Variants in ROBO2 observed in about 807,000 individuals in gnomAD.
The protein encoded by ROBO2 is roundabout guidance receptor 2, also known as roundabout homolog 2.
ROBO2 carries 53 observed loss-of-function variants against 160.8 expected under a neutral mutation model. The observed-to-expected ratio is 0.33, with a 90% confidence interval of 0.26 to 0.41. The LOEUF (loss-of-function observed/expected upper bound fraction) is 0.41, where lower values mean the gene tolerates loss of function less well. Among genes scored for constraint, ROBO2 ranks in the 10% least tolerant of loss-of-function variants. ROBO2 has a pLI of 1.00. For synonymous variants in ROBO2, 664 were observed against 611.7 expected, an observed-to-expected ratio of 1.09 and a Z score of -1.26; for missense variants, 1,577 against 1,722.4, an observed-to-expected ratio of 0.92 and a Z score of 1.49.
chr3:77,252,807 C>CAAAAAAAAAAAAAAAAAA (rs1182786373), intron 2 of ROBO2, among the ~76,000 whole-genome samples: 2 of 32,058 alleles, frequency 6.2e-5, no homozygotes, highest in African/African-American at 2.9e-4. Context: ...GACTCCATCT[C>CAAAAAAAAAAAAAAAAAA]AAAAAAAAAA....
At chr3:76,517,114 T>C (rs2081380566) in intron 2 of ROBO2, among the ~76,000 whole-genome samples, 2 of 152,184 alleles carry the variant, frequency 1.3e-5, no homozygotes. Flanking sequence ...AATATAACGG[T>C]TATAAAATTT....
At chr3:77,049,768 G>C (rs927300076) in intron 1 of ROBO2, among the ~76,000 whole-genome samples, 1 of 152,182 alleles carries the variant, frequency 6.6e-6, no homozygotes, top group African/African-American at 2.4e-5. Context: ...AAATGAGCTG[G>C]AGAACATGGA....
chr3:76,029,072 A>AG (rs1342079221), intron 2 of ROBO2, among the ~76,000 whole-genome samples: 1 of 152,066 alleles, frequency 6.6e-6, no homozygotes, highest in Non-Finnish European at 1.5e-5. Flanking sequence ...CTGAAAAAAA[A>AG]GAACATATTA....
chr3:76,015,684 G>T (rs1054028776), intron 2 of ROBO2, among the ~76,000 whole-genome samples: 1 of 152,170 alleles, frequency 6.6e-6, no homozygotes, highest in Non-Finnish European at 1.5e-5. Context: ...TCCATTTGTT[G>T]CAGGGCTTCT....
chr3:76,062,967 C>T (rs1435938876), intron 2 of ROBO2, among the ~76,000 whole-genome samples: 1 of 152,098 alleles, frequency 6.6e-6, no homozygotes, highest in African/African-American at 2.4e-5. Flanking sequence ...ATTTAACAAT[C>T]AGAGTTCATT....
At chr3:77,264,354 C>A (rs750149036) in intron 2 of ROBO2, among the ~76,000 whole-genome samples, 1 of 152,048 alleles carries the variant, frequency 6.6e-6, no homozygotes, top group Non-Finnish European at 1.5e-5. Context: ...CATTGTTCGC[C>A]GAATCCATCT....
intron 24 of ROBO2, among the ~76,000 whole-genome samples, chr3:77,637,934 T>G (rs140347423): frequency 6.6e-6 from 1 of 152,330 alleles, no homozygotes; most frequent in East Asian, 1.9e-4. Flanking sequence ...GTTTCTAAAT[T>G]TTCAAAATTG....
chr3:76,555,232 T>C (rs2083634371), intron 2 of ROBO2, among the ~76,000 whole-genome samples: 1 of 151,840 alleles, frequency 6.6e-6, no homozygotes, highest in African/African-American at 2.4e-5. Context: ...TCCCAGAGCA[T>C]TTTTTAATAA....
intron 1 of ROBO2, among the ~76,000 whole-genome samples, chr3:75,918,340 T>C (rs1037007506): frequency 6.6e-6 from 1 of 152,134 alleles, no homozygotes; most frequent in African/African-American, 2.4e-5. Flanking sequence ...GATCAGATGG[T>C]TGTAGCTGTG....
chr3:76,897,918 A>G (rs1469284064), intron 2 of ROBO2, among the ~76,000 whole-genome samples: 2 of 152,028 alleles, frequency 1.3e-5, no homozygotes, highest in African/African-American at 4.8e-5. Context: ...TTCATAACTG[A>G]TTTGTTGTTT....
intron 8 of ROBO2, among the ~76,000 whole-genome samples, chr3:77,557,284 T>C (rs1481817242): frequency 6.6e-6 from 1 of 151,988 alleles, no homozygotes; most frequent in Non-Finnish European, 1.5e-5. Flanking sequence ...ATGATAAATA[T>C]AATCTAGATG....
At chr3:76,324,981 T>G (rs2072886645) in intron 2 of ROBO2, among the ~76,000 whole-genome samples, 1 of 152,178 alleles carries the variant, frequency 6.6e-6, no homozygotes, top group East Asian at 1.9e-4. Context: ...TGGCAGCGCC[T>G]GTAGCCCCAG....
At chr3:77,365,831 T>G (rs899128973) in intron 2 of ROBO2, among the ~76,000 whole-genome samples, 1 of 138,208 alleles carries the variant, frequency 7.2e-6, no homozygotes, top group Non-Finnish European at 1.6e-5. Flanking sequence ...AATGCAGATG[T>G]GAATGGAAGC....
At chr3:76,700,482 C>A (rs973218066) in intron 2 of ROBO2, among the ~76,000 whole-genome samples, 11 of 152,084 alleles carry the variant, frequency 7.2e-5, no homozygotes, top group African/African-American at 2.7e-4. Flanking sequence ...AAATTTTTAA[C>A]TCTGTACTCA....
At chr3:76,013,505 G>T (rs687724) in intron 2 of ROBO2, among the ~76,000 whole-genome samples, 2 of 147,008 alleles carry the variant, frequency 1.4e-5, no homozygotes, top group Middle Eastern at 3.6e-3. Flanking sequence ...CATAAAGGCA[G>T]TTGGAGGCTG....
chr3:75,953,157 G>A (rs1948611017), intron 2 of ROBO2, among the ~76,000 whole-genome samples: 1 of 151,910 alleles, frequency 6.6e-6, no homozygotes, highest in Non-Finnish European at 1.5e-5. Context: ...GGGTTGTGTG[G>A]TAAGAGTATG....
At chr3:76,274,033 C>T (rs993234479) in intron 2 of ROBO2, among the ~76,000 whole-genome samples, 2 of 152,084 alleles carry the variant, frequency 1.3e-5, no homozygotes, top group Non-Finnish European at 2.9e-5. Flanking sequence ...TGTAGAGGTA[C>T]CAATCCCATC....
rs143593344 is a variant in ROBO2 at position 77,588,206 on chromosome 3, T to A, written c.2501-545T>A. Among the ~76,000 whole-genome samples, 344 of 152,210 alleles carry A rather than the reference T, an allele frequency of 2.3e-3. 12 individuals carry two copies. The highest frequency in any genetic ancestry group is 0.019 in the Admixed American group (290 of 15,248). On this transcript the variant is annotated intron_variant, in intron 16 of 25. Coordinates refer to ENST00000461745, the Ensembl canonical transcript of ROBO2. ...GTGAAGGCTGTTTACATAATTGTCA[T>A]TGTTTTGTATAGTAGTTTTAATACT...
intron 6 of ROBO2, among the ~76,000 whole-genome samples, chr3:77,530,047 G>T (rs1444243497): frequency 3.3e-5 from 5 of 151,688 alleles, no homozygotes; most frequent in Admixed American, 6.6e-5. Context: ...TAAAATCATA[G>T]AAAAACTACA....
Sources: gnomAD v4.1 joint callset for allele counts (sites outside exome capture counted in the v4.1 genomes callset) on GRCh38, gnomAD v4.1.1 for gene constraint, MANE v1.5 for transcripts, NCBI Gene and HGNC (gene_info 2026-07-23, HGNC 2026-07-21) for gene names.